Variants in BAZ1A observed in about 807,000 individuals in gnomAD.
The protein encoded by BAZ1A is bromodomain adjacent to zinc finger domain protein 1A.
Under a neutral mutation model 185.2 loss-of-function variants are expected in BAZ1A, and 50 were observed. That is an observed-to-expected ratio of 0.27 (90% CI 0.22 to 0.34). BAZ1A has a LOEUF of 0.34. Among genes scored for constraint, BAZ1A ranks in the 10% least tolerant of loss-of-function variants. The pLI, the probability that BAZ1A is intolerant of heterozygous loss-of-function variation, is 1.00. For synonymous variants in BAZ1A, 571 were observed against 615.6 expected, an observed-to-expected ratio of 0.93 and a Z score of 1.07; for missense variants, 1,356 against 1,839.9, an observed-to-expected ratio of 0.74 and a Z score of 4.81.
In BAZ1A at chr14:34,874,636, TC is replaced by T; in HGVS notation, c.-33del. On this transcript the variant is annotated 5_prime_UTR_variant, in exon 2 of 27. Coordinates refer to ENST00000360310, the MANE Select transcript of BAZ1A (RefSeq NM_013448.3). The surrounding 1 kb of genome is among the most constrained non-coding windows in gnomAD (Gnocchi z 4.7). ...TCCGCCCGCGGGCTCGCCTGGACCC[TC>T]GGCCGCCCGCGCCGGCCCCGCTTCC... 1 of 1,544,626 alleles carries T rather than the reference TC, an allele frequency of 6.5e-7. No individual in the cohort carries two copies. Among genetic ancestry groups the T allele is most frequent in the African/African-American group, 1.4e-5 (1 of 70,990 alleles).
Position 34,800,358 on chromosome 14 carries a change from C to T in BAZ1A, c.994G>A (p.Ala332Thr), listed in dbSNP as rs886815996. 17 of 1,543,138 alleles carry T rather than the reference C, an allele frequency of 1.1e-5. No individual in the cohort carries two copies. The highest frequency in any genetic ancestry group is 1.5e-5 in the Non-Finnish European group (17 of 1,151,530). Reference protein sequence around the residue: ...FEKAKLKREKADALEAKKKEK... With the variant: ...FEKAKLKREKTDALEAKKKEK... ...TTTTTCTTCGCTTCTAGGGCATCTG[C>T]TTTTTCTCTTTTTAATTTAGCCTTT... The change falls in exon 9 of 27, where the codon GCA (alanine) becomes ACA (threonine). Residue 332 changes from alanine to threonine, a missense_variant. This residue lies in a region of BAZ1A where 332 missense variants were observed against 395.3 expected (regional missense o/e 0.84). Coordinates refer to ENST00000360310, the MANE Select transcript of BAZ1A (RefSeq NM_013448.3).
chr14:34,759,311 G>T (rs967995491), intron 24 of BAZ1A, among the ~76,000 whole-genome samples: 2 of 151,028 alleles, frequency 1.3e-5, no homozygotes, highest in African/African-American at 2.4e-5. Context: ...CTCCTGAGTA[G>T]CTGGAACTAT....
Position 34,874,411 on chromosome 14 carries a change from G to T in BAZ1A, c.113+81C>A. 7.4e-7 allele frequency: 1 copy of T among 1,352,976 alleles called. No homozygotes were observed. The highest frequency in any genetic ancestry group is 1.0e-6 in the Non-Finnish European group (1 of 954,260). 83.8% of individuals were successfully genotyped at this position (1,352,976 alleles called of 1,614,324 possible). ...AGTCGCCCCGCCAGAAGCCCAGGGC[G>T]AGGAAAAGGAGAGAGACAAAAGAGC... On this transcript the variant is annotated intron_variant, in intron 2 of 26. Transcript: ENST00000360310. The surrounding 1 kb of genome is among the most constrained non-coding windows in gnomAD (Gnocchi z 4.7).
intron 3 of BAZ1A, among the ~76,000 whole-genome samples, chr14:34,860,537 C>CAAAAAAAAAAAA (rs377519796): frequency 1.1e-5 from 1 of 88,424 alleles, no homozygotes; most frequent in African/African-American, 4.3e-5. Context: ...AAAAAAAAAG[C>CAAAAAAAAAAAA]AAAAAAAAAA....
chr14:34,759,606 A>T (rs144846107), intron 24 of BAZ1A, among the ~76,000 whole-genome samples: 10 of 152,194 alleles, frequency 6.6e-5, no homozygotes, highest in African/African-American at 2.2e-4. Context: ...CATATAAATT[A>T]CCTTGCATAA....
At chr14:34,841,391 C>A (rs73249198) in intron 3 of BAZ1A, among the ~76,000 whole-genome samples, 1 of 151,910 alleles carries the variant, frequency 6.6e-6, no homozygotes, top group African/African-American at 2.4e-5. Context: ...ATAAGACTTA[C>A]CTGTGTTTTC....
rs1418758126 is a variant in BAZ1A, at chr14:34,775,970, T to G, written c.2782A>C (p.Arg928=). The stretch of plus-strand genomic sequence containing the variant: ...AAACGGGCTAGCTGTGCACATATTC[T>G]GCTTTTCTCTTGTAACAAAGTTTCT... The part of the protein sequence containing the change: ...LKETLLQEKS[R]ICAQLARFSE... The change falls in exon 18 of 27, where the codon AGA becomes CGA. Residue 928 remains arginine (R), a synonymous_variant. Transcript: ENST00000360310. 1 of 1,612,858 alleles carries G rather than the reference T, an allele frequency of 6.2e-7. No homozygotes were observed.
chr14:34,833,339 C>G (rs372512328), intron 3 of BAZ1A, among the ~76,000 whole-genome samples: 11 of 151,996 alleles, frequency 7.2e-5, no homozygotes, highest in African/African-American at 2.7e-4. Context: ...CCAGCCTGAC[C>G]AAACATGGTG....
At chr14:34,818,333 G>A (rs2042036371) in intron 4 of BAZ1A, among the ~76,000 whole-genome samples, 1 of 152,156 alleles carries the variant, frequency 6.6e-6, no homozygotes, top group Non-Finnish European at 1.5e-5. Flanking sequence ...TGGGAGGAGG[G>A]AGAAACACAA....
At chr14:34,794,908 T>C in intron 10 of BAZ1A, 21 bp from the exon 11 acceptor site, 1 of 1,604,290 alleles carries the variant, frequency 6.2e-7, no homozygotes. Context: ...GAACAATTTA[T>C]ATAACTATTT....
At position 34,874,808 on chromosome 14, in the gene BAZ1A, C is replaced by A; in HGVS notation, c.-58-146G>T. 2.0e-6 allele frequency: 1 copy of A among 492,072 alleles called. No homozygotes were observed. Among genetic ancestry groups the A allele is most frequent in the Admixed American group, 4.3e-5 (1 of 23,500 alleles). 30.5% of individuals were successfully genotyped at this position (492,072 alleles called of 1,614,324 possible). On this transcript the variant is annotated intron_variant, in intron 1 of 26. Transcript: ENST00000360310. The surrounding 1 kb of genome is among the most constrained non-coding windows in gnomAD (Gnocchi z 4.7). ...CTACCGGAGCCGAGTTCGTTCCTGC[C>A]GCTGCCCGGGTGTCGAGCGAGCGGA...
chr14:34,807,022 A>C (rs757491757), intron 6 of BAZ1A, among the ~76,000 whole-genome samples: 10 of 150,194 alleles, frequency 6.7e-5, no homozygotes, highest in Non-Finnish European at 1.0e-4. Flanking sequence ...CGTGAAGTGC[A>C]AGGATTACAG....
chr14:34,793,055 C>T, intron 11 of BAZ1A, 134 bp from the exon 12 acceptor site: 1 of 790,986 alleles, frequency 1.3e-6, no homozygotes, highest in Non-Finnish European at 1.9e-6. Flanking sequence ...AAAGTATAAC[C>T]AAGTATTATC....
chr14:34,774,240 C>T (rs1879440301), intron 19 of BAZ1A, 87 bp downstream of exon 19: 1 of 1,057,344 alleles, frequency 9.5e-7, no homozygotes, highest in African/African-American at 1.6e-5. Flanking sequence ...AACACATATG[C>T]CTTGTCTATG....
At chr14:34,853,559 T>G (rs1041318517) in intron 3 of BAZ1A, among the ~76,000 whole-genome samples, 5 of 151,854 alleles carry the variant, frequency 3.3e-5, no homozygotes, top group Non-Finnish European at 7.4e-5. Flanking sequence ...CCGAGGCGGG[T>G]GAATTATTTA....
intron 3 of BAZ1A, among the ~76,000 whole-genome samples, chr14:34,845,902 A>G (rs1000049056): frequency 6.6e-6 from 1 of 151,396 alleles, no homozygotes; most frequent in African/African-American, 2.4e-5. Context: ...TTGATCTTAT[A>G]TGGCCCAATA....
chr14:34,843,928 G>A (rs899253321), intron 3 of BAZ1A, among the ~76,000 whole-genome samples: 7 of 152,048 alleles, frequency 4.6e-5, no homozygotes, highest in East Asian at 3.9e-4. Flanking sequence ...AAACACGGCC[G>A]GGCGCGGTGG....
At chr14:34,809,710 C>T (rs1594862454) in intron 5 of BAZ1A, among the ~76,000 whole-genome samples, 1 of 152,142 alleles carries the variant, frequency 6.6e-6, no homozygotes, top group East Asian at 1.9e-4. Flanking sequence ...AGGCTGTAAC[C>T]ATGGCCTAGC....
Position 34,758,689 on chromosome 14 carries a change from A to T in BAZ1A, c.4386+15T>A. 1 of 1,612,518 alleles carries T rather than the reference A, an allele frequency of 6.2e-7. No individual in the cohort carries two copies. Among genetic ancestry groups the T allele is most frequent in the Middle Eastern group, 1.7e-4 (1 of 6,060 alleles). On this transcript the variant is annotated intron_variant, in intron 25 of 26. Coordinates refer to ENST00000360310, the MANE Select transcript of BAZ1A (RefSeq NM_013448.3). ...ATAATATACAGGAATACATTTTATC[A>T]AGTCTAGTAATTACCTGGATTTTAG...
Sources: gnomAD v4.1 joint callset for allele counts (sites outside exome capture counted in the v4.1 genomes callset) on GRCh38, gnomAD v4.1.1 for gene constraint, gnomAD v4.1.1 regional missense constraint, Gnocchi (gnomAD v3.1) non-coding constraint, MANE v1.5 for transcripts, NCBI Gene and HGNC (gene_info 2026-07-23, HGNC 2026-07-21) for gene names.